Variants in HAL observed in about 807,000 individuals in gnomAD.
HAL encodes histidine ammonia-lyase.
Under a neutral mutation model 81.1 loss-of-function variants are expected in HAL, and 85 were observed. That is an observed-to-expected ratio of 1.05 (90% CI 0.88 to 1.25). The LOEUF is 1.25. HAL is among the 50% of genes most tolerant of loss of function. The pLI, the probability that HAL is intolerant of heterozygous loss-of-function variation, is 0.00. For synonymous variants in HAL, 301 were observed against 309.2 expected (o/e 0.97, Z 0.28); for missense variants, 798 against 836.6 (o/e 0.95, Z 0.57).
chr12:95,987,589 TCTTAG>T (rs1348718157), intron 11 of HAL, among the ~76,000 whole-genome samples: 1 of 152,206 alleles, frequency 6.6e-6, no homozygotes, highest in Non-Finnish European at 1.5e-5. Context: ...GGTCCAAGAC[TCTTAG>T]CTTAGAGCAT....
chr12:95,976,428 C>G lies in HAL; in HGVS notation c.1833+1G>C. On this transcript the variant is annotated splice_donor_variant, in intron 20 of 20. Coordinates refer to ENST00000261208, the MANE Select transcript of HAL (RefSeq NM_002108.4). LOFTEE classifies it high-confidence loss of function. Reference sequence around the variant, plus strand: ...AGAAACAAGCCAAGGAGCCAGCTTGCCTTCTGCTCCAGGAGCAGCCTGTGG... The same window carrying G: ...AGAAACAAGCCAAGGAGCCAGCTTGGCTTCTGCTCCAGGAGCAGCCTGTGG... 2.5e-6 allele frequency: 4 copies of G among 1,610,810 alleles called. No individual in the cohort carries two copies. Among genetic ancestry groups the G allele is most frequent in the Non-Finnish European group, 3.4e-6 (4 of 1,176,934 alleles).
At chr12:95,986,274 C>A in intron 12 of HAL, 114 bp from the exon 13 acceptor site, 1 of 713,216 alleles carries the variant, frequency 1.4e-6, no homozygotes, top group Non-Finnish European at 2.5e-6. Context: ...CTCTAGCGAT[C>A]CTCCTACCTT....
In HAL at chr12:95,972,872, C is replaced by G. The variant is rs932299728; in HGVS notation, c.*1360G>C. On this transcript the variant is annotated 3_prime_UTR_variant, in exon 21 of 21. Transcript: ENST00000261208. The stretch of plus-strand genomic sequence containing the variant: ...GGGTTACTGGCTCAATGGCAGCCCA[C>G]GGATGACAATGCACAAACCTCATTT... The G allele has an allele frequency of 1.3e-5, 2 of 152,162 alleles. No individual in the cohort carries two copies. The highest frequency in any genetic ancestry group is 1.3e-4 in the Admixed American group (2 of 15,280). The allele number at this position is 152,162 out of a possible 1,614,324, so 9.4% of individuals were successfully genotyped here.
intron 10 of HAL, among the ~76,000 whole-genome samples, chr12:95,988,579 T>C (rs1949926632): frequency 6.6e-6 from 1 of 152,218 alleles, no homozygotes; most frequent in African/African-American, 2.4e-5. Flanking sequence ...TGCAGGCATC[T>C]GACACACATA....
rs764135653 is a variant in HAL, at chr12:95,992,773, G to A, written c.622C>T (p.Arg208Trp). The part of the protein sequence containing the change: ...VGKPLSPERC[R>W]MLLALRINVL... Reference sequence around the variant, plus strand: ...TTGATCCTTAAAGCCAAGAGCATCCGACACCTCTCAGGACTTAGTGGTTTC... The same window carrying A: ...TTGATCCTTAAAGCCAAGAGCATCCAACACCTCTCAGGACTTAGTGGTTTC... Residue 208 changes from arginine to tryptophan, a missense_variant, in exon 9 of 21, where the codon CGG (arginine) becomes TGG (tryptophan). Coordinates refer to ENST00000261208, the MANE Select transcript of HAL (RefSeq NM_002108.4). The A allele has an allele frequency of 1.1e-5, 17 of 1,612,538 alleles. No homozygotes were observed. Among genetic ancestry groups the A allele is most frequent in the Middle Eastern group, 1.6e-4 (1 of 6,080 alleles).
intron 18 of HAL, among the ~76,000 whole-genome samples, chr12:95,977,439 T>C (rs1207948924): frequency 6.6e-6 from 1 of 151,706 alleles, no homozygotes; most frequent in African/African-American, 2.4e-5. Flanking sequence ...GGCCAAGAGT[T>C]TGAGACCAGC....
chr12:95,992,533 A>G, intron 9 of HAL, 147 bp downstream of exon 9: 1 of 666,656 alleles, frequency 1.5e-6, no homozygotes, highest in Non-Finnish European at 2.7e-6. Flanking sequence ...CCATCTAACT[A>G]TCCTACTTTT....
intron 17 of HAL, among the ~76,000 whole-genome samples, chr12:95,978,583 G>A (rs2080753733): frequency 6.6e-6 from 1 of 152,094 alleles, no homozygotes; most frequent in African/African-American, 2.4e-5. Context: ...TGGGAGGTGG[G>A]GGAATTCTAG....
At chr12:95,974,454 C>A in intron 20 of HAL, 82 bp from the exon 21 acceptor site, 2 of 1,224,814 alleles carry the variant, frequency 1.6e-6, no homozygotes, top group South Asian at 2.4e-5. Context: ...CATCCGAAGT[C>A]AAAACATACT....
At position 95,990,471 on chromosome 12, in the gene HAL, T is replaced by A. The variant is rs36014288; in HGVS notation, c.777A>T (p.Pro259=). Reference sequence around the variant, plus strand: ...CTAGCCCAAGAGCAAGATGAGAGAGTGGGGCAAGGTCTCCACTGGCACCAA... The same window carrying A: ...CTAGCCCAAGAGCAAGATGAGAGAGAGGGGCAAGGTCTCCACTGGCACCAA... ...GTVGASGDLA[P]LSHLALGLVG... Residue 259 remains proline, a synonymous_variant, in exon 10 of 21, where the codon CCA becomes CCT. Coordinates refer to ENST00000261208, the MANE Select transcript of HAL (RefSeq NM_002108.4). The A allele has an allele frequency of 8.1e-6, 13 of 1,611,752 alleles. No individual in the cohort carries two copies. The Admixed American group carries it at 1.7e-4, about 21-fold the overall frequency.
chr12:95,984,066 GA>G (rs1949847067), intron 14 of HAL, 75 bp from the exon 15 acceptor site: 1 of 770,098 alleles, frequency 1.3e-6, no homozygotes. Flanking sequence ...AAAGAATATA[GA>G]AGATCTTATC....
At chr12:95,982,217 A>G (rs1253762780) in intron 15 of HAL, among the ~76,000 whole-genome samples, 1 of 152,236 alleles carries the variant, frequency 6.6e-6, no homozygotes, top group East Asian at 1.9e-4. Context: ...TGCAACAGAA[A>G]ATTGAGACAC....
intron 5 of HAL, 30 bp from the exon 6 acceptor site, chr12:95,994,028 G>C: frequency 6.3e-7 from 1 of 1,598,838 alleles, no homozygotes; most frequent in South Asian, 1.1e-5. Context: ...AACTGAGCAC[G>C]TTAAAGACTT....
intron 7 of HAL, 50 bp from the exon 8 acceptor site, chr12:95,993,538 G>T: frequency 8.1e-7 from 1 of 1,237,086 alleles, no homozygotes; most frequent in Non-Finnish European, 1.2e-6. Context: ...GTGAGAAAAT[G>T]TTCCCTCAGC....
chr12:95,994,402 T>A (rs1950008046), intron 4 of HAL, among the ~76,000 whole-genome samples: 1 of 152,176 alleles, frequency 6.6e-6, no homozygotes, highest in South Asian at 2.1e-4. Flanking sequence ...GGTTGGTTGG[T>A]TTGTTTGTTT....
chr12:95,995,017 G>A (rs1361019213), intron 2 of HAL, 24 bp from the exon 3 acceptor site: 6 of 1,553,866 alleles, frequency 3.9e-6, no homozygotes, highest in Non-Finnish European at 5.3e-6. Context: ...CGGGAGACTC[G>A]TTACAGATCA....
Position 95,986,347 on chromosome 12 carries a change from T to A in HAL, c.1052-187A>T, listed in dbSNP as rs114413202. ...CATGCCAGGTCGAGTAATTCTGATA[T>A]TAGAACAAATGACCATCAATGGTTC... On this transcript the variant is annotated intron_variant, in intron 12 of 20. Coordinates refer to ENST00000261208, the MANE Select transcript of HAL (RefSeq NM_002108.4). Among the ~76,000 whole-genome samples the A allele has an allele frequency of 1.0e-2, 1,519 of 152,202 alleles. 27 individuals carry two copies. The highest frequency in any genetic ancestry group is 0.034 in the African/African-American group (1,404 of 41,510).
In HAL at chr12:95,973,149, G is replaced by T. The variant is rs2080673343; in HGVS notation, c.*1083C>A. ...CTCTCCACCAGCTGTGGTTTTTAGA[G>T]CCACGGTTTCAGACCACTTGAAGGG... On this transcript the variant is annotated 3_prime_UTR_variant, in exon 21 of 21. Transcript: ENST00000261208. The T allele has an allele frequency of 6.6e-6, 1 of 152,194 alleles. No individual in the cohort carries two copies. The highest frequency in any genetic ancestry group is 2.4e-5 in the African/African-American group (1 of 41,448). 9.4% of individuals were successfully genotyped at this position (152,194 alleles called of 1,614,324 possible). A position where few individuals can be genotyped will look rare whatever the true frequency, so the allele number is the denominator to read the frequency against.
chr12:95,984,004 C>A lies in HAL; in HGVS notation c.1207-13G>T. ...CCACACCATGGACCTAAAATACAAT[C>A]AAAATAAGGTATATGACCCATTTGA... On this transcript the variant is annotated splice_polypyrimidine_tract_variant and intron_variant, in intron 14 of 20. Transcript: ENST00000261208. 3 of 1,399,804 alleles carry A rather than the reference C, an allele frequency of 2.1e-6. No individual in the cohort carries two copies. The highest frequency in any genetic ancestry group is 3.0e-6 in the Non-Finnish European group (3 of 985,710). The allele number at this position is 1,399,804 out of a possible 1,614,324, so 86.7% of individuals were successfully genotyped here. A position where few individuals can be genotyped will look rare whatever the true frequency, so the allele number is the denominator to read the frequency against.
Sources: allele counts gnomAD v4.1 joint callset (sites outside exome capture counted in the v4.1 genomes callset), GRCh38; gene constraint gnomAD v4.1.1; transcripts MANE v1.5; gene names NCBI Gene and HGNC (gene_info 2026-07-23, HGNC 2026-07-21).